Variants in VAPA observed in about 807,000 individuals in gnomAD.
VAPA encodes the protein VAMP associated protein A, also known as vesicle-associated membrane protein-associated protein A.
VAPA carries 6 observed loss-of-function variants against 25.6 expected under a neutral mutation model. The observed-to-expected ratio is 0.23, with a 90% CI of 0.13 to 0.46. The LOEUF is 0.46. Ranked by LOEUF, VAPA falls within the 20% of genes least tolerant of loss-of-function variation. VAPA has a pLI of 0.99. For synonymous variants in VAPA, 112 were observed against 106.2 expected (o/e 1.05, Z -0.34); for missense variants, 244 against 302.1 (o/e 0.81, Z 1.43).
intron 1 of VAPA, among the ~76,000 whole-genome samples, chr18:9,918,640 T>C (rs546603216): frequency 6.6e-6 from 1 of 152,382 alleles, no homozygotes; most frequent in South Asian, 2.1e-4. Flanking sequence ...TCTGAGATTC[T>C]GATTTGGTTT....
At chr18:9,943,997 G>A (rs188192036) in intron 4 of VAPA, among the ~76,000 whole-genome samples, 7 of 151,560 alleles carry the variant, frequency 4.6e-5, no homozygotes, top group African/African-American at 1.7e-4. Context: ...GAGTAGCTGG[G>A]ACTACAGGTG....
rs557107197 is a variant in VAPA, at chr18:9,917,923, A to G, written c.79+3588A>G. Among the ~76,000 whole-genome samples the G allele has an allele frequency of 2.0e-5, 3 of 152,288 alleles. No homozygotes were observed. The South Asian group carries it at 6.2e-4, about 32-fold the overall frequency. ...ACAAAACGCCTGGGGCTCTAAAGAC[A>G]TGAATGTAATCTTTAATCATATATT... On this transcript the variant is annotated intron_variant, in intron 1 of 5. Transcript: ENST00000400000.
chr18:9,930,304 A>T (rs886503239), intron 1 of VAPA, among the ~76,000 whole-genome samples: 8 of 152,148 alleles, frequency 5.3e-5, no homozygotes, highest in Non-Finnish European at 1.2e-4. Context: ...TTGGATCTTT[A>T]TTTTAATCTG....
chr18:9,938,236 A>G (rs775058634), intron 4 of VAPA, among the ~76,000 whole-genome samples: 4 of 152,172 alleles, frequency 2.6e-5, no homozygotes, highest in Non-Finnish European at 4.4e-5. Context: ...GTTTTATGTC[A>G]TTTTTTACAG....
At chr18:9,925,090 T>C (rs1372253094) in intron 1 of VAPA, 2 of 152,136 alleles carry the variant, frequency 1.3e-5, no homozygotes, top group Non-Finnish European at 2.9e-5. Flanking sequence ...AAAGACATGG[T>C]CCCTTCCGGT....
chr18:9,939,510 T>G (rs1412166174), intron 4 of VAPA, among the ~76,000 whole-genome samples: 2 of 132,362 alleles, frequency 1.5e-5, no homozygotes, highest in African/African-American at 2.8e-5. Flanking sequence ...GTTTGTTACG[T>G]TTCCTCTCTT....
At chr18:9,936,320 G>T in intron 3 of VAPA, 107 bp downstream of exon 3, 1 of 679,500 alleles carries the variant, frequency 1.5e-6, no homozygotes, top group Non-Finnish European at 2.3e-6. Context: ...GTTAAATTTA[G>T]GTTTTTAAAA....
In VAPA at chr18:9,937,080, T is replaced by A; in HGVS notation, c.417+14T>A. 1 of 1,609,976 alleles carries A rather than the reference T, an allele frequency of 6.2e-7. No homozygotes were observed. Among genetic ancestry groups the A allele is most frequent in the Non-Finnish European group, 8.5e-7 (1 of 1,177,424 alleles). On this transcript the variant is annotated intron_variant, in intron 4 of 5. Transcript: ENST00000400000. ...AATGATAAATTGGTAAGTAGGAGAA[T>A]GTAAAAAAAATTGGGAGCTGTTGAG...
intron 1 of VAPA, among the ~76,000 whole-genome samples, chr18:9,921,782 T>C (rs1282652544): frequency 6.6e-6 from 1 of 152,244 alleles, no homozygotes; most frequent in African/African-American, 2.4e-5. Flanking sequence ...TTTACTGGTT[T>C]AATTCATTTT....
chr18:9,931,440 A>G (rs556718194), intron 1 of VAPA, among the ~76,000 whole-genome samples: 2 of 152,350 alleles, frequency 1.3e-5, no homozygotes, highest in African/African-American at 4.8e-5. Context: ...GCCTAGTAAA[A>G]TGAACTTGAA....
At position 9,914,053 on chromosome 18, in the gene VAPA, G is replaced by T. The variant is rs1161745511; in HGVS notation, c.-204G>T. 2.0e-5 allele frequency: 10 copies of T among 502,118 alleles called. No homozygotes were observed. The highest frequency in any genetic ancestry group is 3.5e-5 in the Non-Finnish European group (10 of 285,114). The allele number at this position is 502,118 out of a possible 1,614,324, so 31.1% of individuals were successfully genotyped here. A position where few individuals can be genotyped will look rare whatever the true frequency, so the allele number is the denominator to read the frequency against. The stretch of plus-strand genomic sequence containing the variant: ...TGCGCGTGGCCGTGGCGGCTGGTGT[G>T]GGGTTGAGTCAGTTGTGGGACCCGG... On this transcript the variant is annotated 5_prime_UTR_variant, in exon 1 of 6. Coordinates refer to ENST00000400000, the MANE Select transcript of VAPA (RefSeq NM_194434.3).
Position 9,952,581 on chromosome 18 carries a change from C to A in VAPA, c.592-1472C>A, listed in dbSNP as rs60080811. ...CATCGTCTCAAAAAAAAAAAAAAAA[C>A]AAAACCCTTGAAGACCCACTGGCTT... On this transcript the variant is annotated intron_variant, in intron 5 of 5. Transcript: ENST00000400000. 8.7e-3 allele frequency among the ~76,000 whole-genome samples: 1,215 copies of A among 139,240 alleles called. 23 individuals are homozygous for A. Among genetic ancestry groups the A allele is most frequent in the African/African-American group, 0.029 (1,069 of 36,792 alleles). 91.3% of individuals were successfully genotyped at this position (139,240 alleles called of 152,430 possible). A position where few individuals can be genotyped will look rare whatever the true frequency, so the allele number is the denominator to read the frequency against.
intron 1 of VAPA, among the ~76,000 whole-genome samples, chr18:9,915,538 GT>G (rs1441984505): frequency 1.3e-5 from 2 of 152,102 alleles, no homozygotes; most frequent in Non-Finnish European, 2.9e-5. Context: ...AGTGAGTCCC[GT>G]TTTGGAAGTC....
At chr18:9,936,771 C>A in intron 3 of VAPA, 1 of 458,246 alleles carries the variant, frequency 2.2e-6, no homozygotes, top group Non-Finnish European at 3.9e-6. Context: ...CTAGTAATAT[C>A]ATCGTGATTT....
At chr18:9,953,582 A>G (rs2069512002) in intron 5 of VAPA, among the ~76,000 whole-genome samples, 1 of 152,066 alleles carries the variant, frequency 6.6e-6, no homozygotes, top group African/African-American at 2.4e-5. Context: ...AGTAAACCCA[A>G]ATGGCAGACT....
chr18:9,947,387 A>T (rs887275211), intron 4 of VAPA, among the ~76,000 whole-genome samples: 5 of 152,216 alleles, frequency 3.3e-5, no homozygotes, highest in African/African-American at 1.2e-4. Flanking sequence ...CTCACTAGGT[A>T]ATAGGAATTT....
intron 4 of VAPA, chr18:9,950,194 A>C: frequency 1.9e-6 from 1 of 535,576 alleles, no homozygotes; most frequent in East Asian, 3.3e-5. Context: ...ATAAAGTGCT[A>C]TGGTAGAGGT....
At chr18:9,950,667 T>G (rs2069480576) in intron 5 of VAPA, 99 bp downstream of exon 5, 2 of 1,329,912 alleles carry the variant, frequency 1.5e-6, no homozygotes, top group Non-Finnish European at 2.0e-6. Flanking sequence ...AATTTTTGCT[T>G]GGTCAGTTCT....
intron 3 of VAPA, 97 bp from the exon 4 acceptor site, chr18:9,936,889 A>G: frequency 1.0e-6 from 1 of 992,204 alleles, no homozygotes; most frequent in Non-Finnish European, 1.5e-6. Context: ...CAGCCAAGCC[A>G]GGCAGCTTCA....
Sources: allele counts gnomAD v4.1 joint callset (sites outside exome capture counted in the v4.1 genomes callset), GRCh38; gene constraint gnomAD v4.1.1; transcripts MANE v1.5; gene names NCBI Gene and HGNC (gene_info 2026-07-23, HGNC 2026-07-21).